GSTA4: variants seen among roughly 807,000 people sequenced by gnomAD.
GSTA4 encodes the protein glutathione S-transferase alpha 4, also known as glutathione S-transferase A4.
In GSTA4, 15 loss-of-function variants were observed where a neutral mutation model predicts 24.4. That is an observed-to-expected ratio of 0.61 (90% confidence interval 0.41 to 0.95). GSTA4 has a LOEUF of 0.95. Ranked by LOEUF, GSTA4 falls within the 40% of genes least tolerant of loss-of-function variation. GSTA4 has a pLI of 0.00. For missense variants in GSTA4, 244 were observed against 262.1 expected (o/e 0.93, Z 0.48); for synonymous variants, 92 against 94.2 (o/e 0.98, Z 0.13).
chr6:52,995,271 G>C lies in GSTA4; in HGVS notation c.-41C>G, dbSNP rs1225383445. On this transcript the variant is annotated 5_prime_UTR_variant, in exon 1 of 7. Transcript: ENST00000370963. The stretch of plus-strand genomic sequence containing the variant: ...GACCTGGAGTCCACTCGGAGGCCTG[G>C]AGCCGCACAAAGCGCCAGGTCAGCG... 6.6e-6 allele frequency: 1 copy of C among 152,416 alleles called. No homozygotes were observed. The highest frequency in any genetic ancestry group is 2.4e-5 in the African/African-American group (1 of 41,588). 9.4% of individuals were successfully genotyped at this position (152,416 alleles called of 1,614,324 possible). A position where few individuals can be genotyped will look rare whatever the true frequency, so the allele number is the denominator to read the frequency against.
intron 6 of GSTA4, among the ~76,000 whole-genome samples, 197 bp downstream of exon 6, chr6:52,982,377 A>G (rs111521565): frequency 1.8e-3 from 274 of 152,188 alleles, no homozygotes; most frequent in African/African-American, 6.4e-3. Context: ...TTACACTTCA[A>G]TGATCTTTCA....
intron 4 of GSTA4, among the ~76,000 whole-genome samples, chr6:52,985,211 T>G (rs1040912179): frequency 2.0e-5 from 3 of 152,234 alleles, no homozygotes; most frequent in African/African-American, 7.2e-5. Context: ...TTAAAAATGT[T>G]GAAATCTGAA....
intron 6 of GSTA4, among the ~76,000 whole-genome samples, chr6:52,980,647 G>T (rs1763435044): frequency 6.6e-6 from 1 of 152,062 alleles, no homozygotes; most frequent in Non-Finnish European, 1.5e-5. Context: ...CTACTTCTGG[G>T]TTCAGCATCC....
chr6:52,978,660 T>C, intron 6 of GSTA4, 68 bp from the exon 7 acceptor site: 1 of 1,198,074 alleles, frequency 8.3e-7, no homozygotes. Context: ...GATATGGTTA[T>C]GCAAAATGGC....
chr6:52,984,699 T>TA (rs1763521331), intron 4 of GSTA4, 94 bp from the exon 5 acceptor site: 19 of 994,898 alleles, frequency 1.9e-5, no homozygotes, highest in Non-Finnish European at 2.6e-5. Context: ...TTTTTTTTTT[T>TA]AAAGATGCTG....
intron 4 of GSTA4, 113 bp downstream of exon 4, chr6:52,985,338 G>A: frequency 1.0e-6 from 1 of 984,854 alleles, no homozygotes; most frequent in Non-Finnish European, 1.5e-6. Flanking sequence ...TTTGTTCCCT[G>A]ATCTCACTAA....
intron 2 of GSTA4, among the ~76,000 whole-genome samples, chr6:52,992,346 C>G (rs1293324058): frequency 6.6e-6 from 1 of 152,174 alleles, no homozygotes; most frequent in Non-Finnish European, 1.5e-5. Flanking sequence ...GATAAATCTT[C>G]CTTATATAAA....
intron 5 of GSTA4, among the ~76,000 whole-genome samples, chr6:52,984,218 G>A (rs556276546): frequency 1.3e-5 from 2 of 152,310 alleles, no homozygotes; most frequent in East Asian, 3.9e-4. Context: ...GAACAATAAG[G>A]AACAAAGGCA....
At chr6:52,992,969 G>A (rs965406763) in intron 2 of GSTA4, among the ~76,000 whole-genome samples, 27 of 152,054 alleles carry the variant, frequency 1.8e-4, no homozygotes, top group Non-Finnish European at 1.5e-5. Context: ...TGGTCGTGGT[G>A]GTGTGCACCT....
At chr6:52,980,475 T>C (rs907237754) in intron 6 of GSTA4, among the ~76,000 whole-genome samples, 1 of 152,104 alleles carries the variant, frequency 6.6e-6, no homozygotes, top group African/African-American at 2.4e-5. Context: ...AGCTAATTGT[T>C]TTATTTTTAG....
At chr6:52,991,431 C>T (rs892239524) in intron 2 of GSTA4, among the ~76,000 whole-genome samples, 5 of 152,020 alleles carry the variant, frequency 3.3e-5, no homozygotes, top group Non-Finnish European at 7.4e-5. Context: ...CGAGACAACC[C>T]CTGATGTGAT....
Position 52,985,597 on chromosome 6 carries a change from C to T in GSTA4, c.140-14G>A, listed in dbSNP as rs143206297. 3.7e-4 allele frequency: 590 copies of T among 1,613,370 alleles called. 4 individuals carry two copies. In the African/African-American group the frequency reaches 6.9e-3, roughly 19 times the overall value. ...GCAGGTGGTTACCTGAGAATGGAAG[C>T]CCAGAGTTAGAAGTGATCTTTTCTT... On this transcript the variant is annotated splice_polypyrimidine_tract_variant and intron_variant, in intron 3 of 6. Coordinates refer to ENST00000370963, the MANE Select transcript of GSTA4 (RefSeq NM_001512.4).
rs376779163 is a variant in GSTA4, at chr6:52,994,270, C to A, written c.-18-9G>T. On this transcript the variant is annotated splice_polypyrimidine_tract_variant and intron_variant, in intron 1 of 6. Transcript: ENST00000370963. ...ATAGCTTTTCAGGCTTTCTGAAATA[C>A]AAATGCAGCAGCTCGTCGCAGACCA... The A allele has an allele frequency of 4.1e-6, 6 of 1,472,320 alleles. No individual in the cohort carries two copies. The African/African-American group carries it at 6.9e-5, about 17-fold the overall frequency. 91.2% of individuals were successfully genotyped at this position (1,472,320 alleles called of 1,614,324 possible).
At chr6:52,982,900 A>C (rs200100767) in intron 5 of GSTA4, among the ~76,000 whole-genome samples, 195 bp from the exon 6 acceptor site, 112 of 129,276 alleles carry the variant, frequency 8.7e-4, no homozygotes, top group African/African-American at 3.0e-3. Context: ...AGAGAGAGAG[A>C]GAGCGAGAGA....
chr6:52,985,463 T>C lies in GSTA4; in HGVS notation c.260A>G (p.Lys87Arg), dbSNP rs770415637. 1 of 1,614,106 alleles carries C rather than the reference T, an allele frequency of 6.2e-7. No individual in the cohort carries two copies. The highest frequency in any genetic ancestry group is 8.5e-7 in the Non-Finnish European group (1 of 1,179,972). Reference sequence around the variant, plus strand: ...GGGGCCACAGTACAGGGTTCTCTCCTTGAGGTTCTTGCCAAAGAGATTGTG... The same window carrying C: ...GGGGCCACAGTACAGGGTTCTCTCCCTGAGGTTCTTGCCAAAGAGATTGTG... ...DKHNLFGKNLKERTLIDMYVE... is the reference protein window; with the variant it reads ...DKHNLFGKNLRERTLIDMYVE... Residue 87 changes from lysine (K) to arginine (R), a missense_variant, in exon 4 of 7, where the codon AAG becomes AGG. Lys to Arg is a conservative substitution (Grantham distance 26). Transcript: ENST00000370963.
At chr6:52,994,475 C>T in intron 1 of GSTA4, 4 of 486,470 alleles carry the variant, frequency 8.2e-6, no homozygotes, top group Non-Finnish European at 1.1e-5. Context: ...CTATTTATGA[C>T]TTCTTATCCT....
intron 1 of GSTA4, 64 bp from the exon 2 acceptor site, chr6:52,994,325 T>A (rs1763723968): frequency 1.3e-6 from 1 of 777,552 alleles, no homozygotes; most frequent in Non-Finnish European, 2.2e-6. Context: ...TTCAACCCAG[T>A]GCTCAGGGGC....
At chr6:52,980,152 G>T (rs1233012176) in intron 6 of GSTA4, among the ~76,000 whole-genome samples, 1 of 152,066 alleles carries the variant, frequency 6.6e-6, no homozygotes, top group East Asian at 1.9e-4. Context: ...ATAGGTCCTG[G>T]TGCTACAGTT....
chr6:52,982,694 A>C lies in GSTA4; in HGVS notation c.426T>G (p.Gly142=). The change falls in exon 6 of 7, where the codon GGT becomes GGG. Residue 142 remains glycine, a synonymous_variant. Coordinates refer to ENST00000370963, the MANE Select transcript of GSTA4 (RefSeq NM_001512.4). ...YFPVFEKILR[G]HGQSFLVGNQ... ...TACCAACAAGAAAGCTTTGTCCGTG[A>C]CCCCTTAAAATCTGTAGGGAAATGG... 1.2e-6 allele frequency: 2 copies of C among 1,612,292 alleles called. No individual in the cohort carries two copies. Among genetic ancestry groups the C allele is most frequent in the South Asian group, 1.1e-5 (1 of 90,936 alleles).
Sources: gnomAD v4.1 joint callset for allele counts (sites outside exome capture counted in the v4.1 genomes callset) on GRCh38, gnomAD v4.1.1 for gene constraint, MANE v1.5 for transcripts, NCBI Gene and HGNC (gene_info 2026-07-23, HGNC 2026-07-21) for gene names.